Variants in BRCA2 observed in about 807,000 individuals in gnomAD.
BRCA2 encodes the protein BRCA2 DNA repair associated, also known as breast cancer type 2 susceptibility protein.
A neutral mutation model predicts 276.7 loss-of-function variants in BRCA2; 203 were observed. The observed-to-expected ratio is 0.73, with a 90% CI of 0.65 to 0.82. BRCA2 has a LOEUF of 0.82. Ranked by LOEUF, BRCA2 falls within the 40% of genes least tolerant of loss-of-function variation. The pLI, the probability that BRCA2 is intolerant of heterozygous loss-of-function variation, is 0.00. For synonymous variants in BRCA2, 1,289 were observed against 1,338.4 expected (o/e 0.96, Z 0.81); for missense variants, 3,920 against 3,915.0 (o/e 1.00, Z -0.03).
At chr13:32,335,037 T>A (rs2072437316) in intron 10 of BRCA2, among the ~76,000 whole-genome samples, 1 of 152,160 alleles carries the variant, frequency 6.6e-6, no homozygotes, top group African/African-American at 2.4e-5. Context: ...ATATCATAGT[T>A]AAAGCCAATG....
intron 18 of BRCA2, among the ~76,000 whole-genome samples, chr13:32,369,152 G>A (rs1169062251): frequency 1.3e-5 from 2 of 151,868 alleles, no homozygotes; most frequent in African/African-American, 2.4e-5. Context: ...CCCTGGCTGC[G>A]TCTGCTCAGT....
In BRCA2 at chr13:32,356,496, C is replaced by T. The variant is rs55716624; in HGVS notation, c.7504C>T (p.Arg2502Cys). Residue 2502 changes from arginine (R) to cysteine (C), a missense_variant, in exon 15 of 27, where the codon CGC becomes TGC. Arg to Cys is a radical substitution (Grantham distance 180, BLOSUM62 -3). Around this residue, in one of 2 missense-constraint regions of BRCA2, gnomAD observed 3,263 missense variants for 3,156.9 expected, o/e 1.03. Coordinates refer to ENST00000380152, the MANE Select transcript of BRCA2 (RefSeq NM_000059.4). ...DMRIKKKQRQ[R>C]VFPQPGSLYL... ...GCGAATTAAGAAGAAACAAAGGCAACGCGTCTTTCCACAGCCAGGCAGTCT... is the reference window on the plus strand; with the variant it reads ...GCGAATTAAGAAGAAACAAAGGCAATGCGTCTTTCCACAGCCAGGCAGTCT... 280 of 1,614,150 alleles carry T rather than the reference C, an allele frequency of 1.7e-4. No homozygotes were observed. In the African/African-American group the frequency reaches 3.0e-3, roughly 17 times the overall value.
intron 8 of BRCA2, among the ~76,000 whole-genome samples, chr13:32,330,063 A>G (rs539228352): frequency 1.3e-5 from 2 of 152,280 alleles, no homozygotes; most frequent in African/African-American, 2.4e-5. Context: ...GTCCAAACCT[A>G]TTCTTGAATC....
rs397507378 is a variant in BRCA2, at chr13:32,344,591, A to G, written c.6875A>G (p.Glu2292Gly). The G allele has an allele frequency of 1.0e-5, 16 of 1,577,292 alleles. No homozygotes were observed. Among genetic ancestry groups the G allele is most frequent in the Non-Finnish European group, 7.8e-6 (9 of 1,148,176 alleles). The change falls in exon 12 of 27, where the codon GAA becomes GGA. Residue 2292 changes from glutamate (E) to glycine (G), a missense_variant. Glu to Gly is a moderately conservative substitution (Grantham distance 98). Around this residue, in one of 2 missense-constraint regions of BRCA2, gnomAD observed 3,263 missense variants for 3,156.9 expected, o/e 1.03. Transcript: ENST00000380152. The part of the protein sequence containing the change: ...EPSIKRNLLN[E>G]FDRIIENQEK... The stretch of plus-strand genomic sequence containing the variant: ...TCAATCAAAAGAAACTTATTAAATG[A>G]ATTTGACAGGATAATAGAAAATCAA...
intron 18 of BRCA2, among the ~76,000 whole-genome samples, chr13:32,364,361 C>G (rs2072766811): frequency 6.6e-6 from 1 of 152,132 alleles, no homozygotes; most frequent in African/African-American, 2.4e-5. Flanking sequence ...TCCCAAGAGG[C>G]AATCGTTTCC....
chr13:32,352,240 A>G (rs1196170844), intron 13 of BRCA2, among the ~76,000 whole-genome samples: 1 of 149,640 alleles, frequency 6.7e-6, no homozygotes, highest in African/African-American at 2.5e-5. Context: ...TTTTTTTTTT[A>G]TCAAAAACAG....
chr13:32,327,951 T>A (rs1238810584), intron 7 of BRCA2, among the ~76,000 whole-genome samples: 1 of 151,844 alleles, frequency 6.6e-6, no homozygotes, highest in Non-Finnish European at 1.5e-5. Flanking sequence ...CCTGGCTAAT[T>A]TTTTTTGTAT....
At chr13:32,366,690 C>T (rs1182016369) in intron 18 of BRCA2, among the ~76,000 whole-genome samples, 1 of 151,884 alleles carries the variant, frequency 6.6e-6, no homozygotes, top group Non-Finnish European at 1.5e-5. Flanking sequence ...GGCATGATGG[C>T]ATGCTCCTGT....
Position 32,341,192 on chromosome 13 carries a change from A to T in BRCA2, c.6837A>T (p.Leu2279Phe), listed in dbSNP as rs431825346. ...IGKRRGEPLILVGEPSIKRNL... is the reference protein window; with the variant it reads ...IGKRRGEPLIFVGEPSIKRNL... ...AAAGAAGAGGAGAGCCCCTTATCTT[A>T]GTGGGTAAGTGTTCATTTTTACCTT... The change falls in exon 11 of 27, where the codon TTA becomes TTT. Residue 2279 changes from leucine to phenylalanine, a missense_variant. Transcript: ENST00000380152. 7 of 1,613,916 alleles carry T rather than the reference A, an allele frequency of 4.3e-6. No individual in the cohort carries two copies. The highest frequency in any genetic ancestry group is 5.1e-6 in the Non-Finnish European group (6 of 1,179,910).
intron 20 of BRCA2, 113 bp downstream of exon 20, chr13:32,371,213 T>C: frequency 1.7e-6 from 2 of 1,184,570 alleles, no homozygotes; most frequent in Non-Finnish European, 2.4e-6. Context: ...AGTAGTAAAT[T>C]GACTTTATTT....
chr13:32,365,721 C>CTTTTTTTTTTTTTTTTTTTTTTATTTT (rs36116910), intron 18 of BRCA2, among the ~76,000 whole-genome samples: 1 of 105,880 alleles, frequency 9.4e-6, no homozygotes, highest in African/African-American at 3.6e-5. Context: ...ACTTTGGTGT[C>CTTTTTTTTTTTTTTTTTTTTTTATTTT]TTTTTTTTTT....
intron 2 of BRCA2, among the ~76,000 whole-genome samples, chr13:32,318,699 A>G (rs1379792531): frequency 6.6e-6 from 1 of 152,094 alleles, no homozygotes; most frequent in Non-Finnish European, 1.5e-5. Context: ...CAGCCTCCCA[A>G]AGTGTTGGGA....
At chr13:32,361,541 G>T (rs554750517) in intron 16 of BRCA2, among the ~76,000 whole-genome samples, 1 of 152,060 alleles carries the variant, frequency 6.6e-6, no homozygotes, top group East Asian at 1.9e-4. Flanking sequence ...GAAAAAAACC[G>T]TTTCTTATGC....
intron 16 of BRCA2, among the ~76,000 whole-genome samples, chr13:32,360,484 C>T (rs765509665): frequency 3.9e-5 from 6 of 152,070 alleles, no homozygotes; most frequent in Admixed American, 1.3e-4. Flanking sequence ...CTCAGCCTCC[C>T]GTGTAGCTGG....
In BRCA2 at chr13:32,355,344, T is replaced by C. The variant is rs1204082982; in HGVS notation, c.7435+56T>C. The C allele has an allele frequency of 8.3e-6, 13 of 1,574,112 alleles. No homozygotes were observed. In the East Asian group the frequency reaches 2.7e-4, roughly 33 times the overall value. On this transcript the variant is annotated intron_variant, in intron 14 of 26. Transcript: ENST00000380152. Reference sequence around the variant, plus strand: ...TTGCCTTTCAGTTAGATATTTCCGTTGTTAAATAATGTCCTGATGGTTTTC... The same window carrying C: ...TTGCCTTTCAGTTAGATATTTCCGTCGTTAAATAATGTCCTGATGGTTTTC...
At chr13:32,336,154 T>G in intron 10 of BRCA2, 111 bp from the exon 11 acceptor site, 3 of 1,240,710 alleles carry the variant, frequency 2.4e-6, no homozygotes, top group Non-Finnish European at 3.3e-6. Context: ...GTGCTGAGAT[T>G]ACAGGCATGA....
intron 15 of BRCA2, among the ~76,000 whole-genome samples, chr13:32,357,209 G>GC (rs544918058): frequency 1.3e-3 from 202 of 152,292 alleles, no homozygotes; most frequent in African/African-American, 4.7e-3. Flanking sequence ...TTAAGTAACT[G>GC]CCCCAAAGTC....
chr13:32,342,714 A>T (rs1327434412), intron 11 of BRCA2, among the ~76,000 whole-genome samples: 2 of 152,218 alleles, frequency 1.3e-5, no homozygotes, highest in Non-Finnish European at 2.9e-5. Flanking sequence ...GCATTTGTGT[A>T]TGTGAACATA....
chr13:32,350,763 C>A (rs763012396), intron 13 of BRCA2, among the ~76,000 whole-genome samples: 2 of 151,456 alleles, frequency 1.3e-5, no homozygotes, highest in Admixed American at 1.3e-4. Flanking sequence ...AAAAAAAAAA[C>A]AACAAAATAA....
Sources: allele counts gnomAD v4.1 joint callset (sites outside exome capture counted in the v4.1 genomes callset), GRCh38; gene constraint gnomAD v4.1.1; regional missense constraint gnomAD v4.1.1; transcripts MANE v1.5; gene names NCBI Gene and HGNC (gene_info 2026-07-23, HGNC 2026-07-21).